The following NUDCD3 variants were observed in gnomAD, a reference collection of about 807,000 sequenced individuals.
The protein encoded by NUDCD3 is nudC domain-containing protein 3.
A neutral mutation model predicts 39.7 loss-of-function variants in NUDCD3; 13 were observed. That is an observed-to-expected ratio of 0.33 (90% CI 0.21 to 0.52). NUDCD3 has a LOEUF of 0.52. Ranked by LOEUF, NUDCD3 falls within the 20% of genes least tolerant of loss-of-function variation. The pLI is 0.96. For synonymous variants in NUDCD3, 175 were observed against 172.4 expected, an observed-to-expected ratio of 1.02 and a Z score of -0.12; for missense variants, 453 against 458.1, an observed-to-expected ratio of 0.99 and a Z score of 0.10.
Position 44,420,206 on chromosome 7 carries a change from C to G in NUDCD3, c.642+7365G>C, listed in dbSNP as rs967271690. On this transcript the variant is annotated intron_variant, in intron 3 of 5. Coordinates refer to ENST00000355451, the MANE Select transcript of NUDCD3 (RefSeq NM_015332.4). ...GGATGAGAACTTCGTGAAGCATACA[C>G]AAGTATCAACAGCCAAATCAATCAA... Among the ~76,000 whole-genome samples the G allele has an allele frequency of 5.9e-5, 9 of 151,934 alleles. No homozygotes were observed. The East Asian group carries it at 1.7e-3, about 29-fold the overall frequency.
rs1585111257 is a variant in NUDCD3 at position 44,484,610 on chromosome 7, A to G, written c.509+358T>C. On this transcript the variant is annotated intron_variant, in intron 2 of 5. Coordinates refer to ENST00000355451, the MANE Select transcript of NUDCD3 (RefSeq NM_015332.4). ...ATTATACCTCAGGCATCATGAGCAAATCCTAGCAGTGCTCCTGCAGAGAGA... is the reference window on the plus strand; with the variant it reads ...ATTATACCTCAGGCATCATGAGCAAGTCCTAGCAGTGCTCCTGCAGAGAGA... 2.6e-5 allele frequency: 5 copies of G among 191,492 alleles called. No homozygotes were observed. The East Asian group carries it at 6.5e-4, about 25-fold the overall frequency. The allele number at this position is 191,492 out of a possible 1,614,324, so 11.9% of individuals were successfully genotyped here.
chr7:44,446,100 T>C (rs1799685633), intron 2 of NUDCD3, among the ~76,000 whole-genome samples: 1 of 152,202 alleles, frequency 6.6e-6, no homozygotes, highest in Non-Finnish European at 1.5e-5. Flanking sequence ...TTATCCCCAA[T>C]TGACACATGA....
rs143098616 is a variant in NUDCD3, at chr7:44,406,536, C to A, written c.643-1953G>T. Among the ~76,000 whole-genome samples, 868 of 152,330 alleles carry A rather than the reference C, an allele frequency of 5.7e-3. 5 individuals carry two copies. The highest frequency in any genetic ancestry group is 0.02 in the African/African-American group (826 of 41,590). On this transcript the variant is annotated intron_variant, in intron 3 of 5. Coordinates refer to ENST00000355451, the MANE Select transcript of NUDCD3 (RefSeq NM_015332.4). ...GCCTGCCTTCACAAGAACAAGCTCA[C>A]TTAACAAATATAATTCTCCCACCCA...
intron 2 of NUDCD3, among the ~76,000 whole-genome samples, chr7:44,482,429 A>G (rs1007421794): frequency 1.3e-5 from 2 of 152,228 alleles, no homozygotes; most frequent in Non-Finnish European, 2.9e-5. Flanking sequence ...ACAAAGCTGA[A>G]AAACAAGGCC....
In NUDCD3 at chr7:44,431,545, C is replaced by G. The variant is rs75765765; in HGVS notation, c.510-3842G>C. ...CCACCAGGAGTCACTGTCATGCAGA[C>G]AAGCAGTTCCTGAGTAGGTGAGGTT... On this transcript the variant is annotated intron_variant, in intron 2 of 5. Coordinates refer to ENST00000355451, the MANE Select transcript of NUDCD3 (RefSeq NM_015332.4). 9.6e-3 allele frequency among the ~76,000 whole-genome samples: 1,467 copies of G among 152,060 alleles called. 52 individuals carry two copies. The highest frequency in any genetic ancestry group is 0.081 in the East Asian group (417 of 5,166).
At chr7:44,392,232 C>T in intron 5 of NUDCD3, 65 bp downstream of exon 5, 1 of 1,498,174 alleles carries the variant, frequency 6.7e-7, no homozygotes, top group Non-Finnish European at 9.2e-7. Flanking sequence ...CCCTCTGCCA[C>T]TATCGGCCTT....
rs369984670 is a variant in NUDCD3, at chr7:44,490,507, C to A, written c.94G>T (p.Gly32Cys). 1.9e-6 allele frequency: 3 copies of A among 1,611,332 alleles called. No individual in the cohort carries two copies. The highest frequency in any genetic ancestry group is 2.5e-6 in the Non-Finnish European group (3 of 1,178,950). ...NVQDFLRVLF[G>C]FLYRKTDFYR... The stretch of plus-strand genomic sequence containing the variant: ...AAGTCTGTCTTGCGGTAGAGGAAGC[C>A]AAAGAGAACGCGCAGGAAATCCTGG... Residue 32 changes from glycine (G) to cysteine (C), a missense_variant, in exon 1 of 6, where the codon GGC (glycine) becomes TGC (cysteine). By Grantham distance (159) the Gly-to-Cys change is radical (BLOSUM62 -3). Coordinates refer to ENST00000355451, the MANE Select transcript of NUDCD3 (RefSeq NM_015332.4).
At chr7:44,441,657 G>A (rs974245403) in intron 2 of NUDCD3, among the ~76,000 whole-genome samples, 1 of 152,134 alleles carries the variant, frequency 6.6e-6, no homozygotes. Context: ...TCCATAGCTA[G>A]CCCACACATC....
intron 2 of NUDCD3, among the ~76,000 whole-genome samples, chr7:44,465,799 C>T (rs973252848): frequency 1.4e-4 from 22 of 152,088 alleles, no homozygotes; most frequent in African/African-American, 5.3e-4. Context: ...CACCGTACTT[C>T]TCAAATTGTT....
chr7:44,405,618 G>C (rs1585057671), intron 3 of NUDCD3, among the ~76,000 whole-genome samples: 1 of 152,268 alleles, frequency 6.6e-6, no homozygotes, highest in East Asian at 1.9e-4. Flanking sequence ...TTTGGTAGAT[G>C]GCTCATTAAA....
At chr7:44,407,810 A>C (rs1292483112) in intron 3 of NUDCD3, among the ~76,000 whole-genome samples, 3 of 152,198 alleles carry the variant, frequency 2.0e-5, no homozygotes, top group Non-Finnish European at 4.4e-5. Flanking sequence ...ACAGTAGCTA[A>C]AATTAAACTT....
intron 2 of NUDCD3, among the ~76,000 whole-genome samples, chr7:44,463,835 C>A (rs942040270): frequency 4.6e-5 from 7 of 151,846 alleles, no homozygotes; most frequent in African/African-American, 1.7e-4. Flanking sequence ...AAAAAATCAA[C>A]GGACATTTTC....
Position 44,431,577 on chromosome 7 carries a change from CG to C in NUDCD3, c.510-3875del, listed in dbSNP as rs1357069120. Among the ~76,000 whole-genome samples, 3 of 151,832 alleles carry C rather than the reference CG, an allele frequency of 2.0e-5. No individual in the cohort carries two copies. The East Asian group carries it at 5.8e-4, about 29-fold the overall frequency. On this transcript the variant is annotated intron_variant, in intron 2 of 5. Coordinates refer to ENST00000355451, the MANE Select transcript of NUDCD3 (RefSeq NM_015332.4). Reference sequence around the variant, plus strand: ...TTCCTGAGTAGGTGAGGTTTCTGACCGGGTTCCTGAGACTCATGGTCAGGAA... The same window carrying C: ...TTCCTGAGTAGGTGAGGTTTCTGACCGGTTCCTGAGACTCATGGTCAGGAA...
intron 2 of NUDCD3, among the ~76,000 whole-genome samples, chr7:44,456,025 C>CAAAA (rs1233592095): frequency 6.7e-4 from 19 of 28,494 alleles, no homozygotes; most frequent in African/African-American, 1.2e-3. Flanking sequence ...GACTCCGTCT[C>CAAAA]AAAAAAAAAA....
intron 2 of NUDCD3, among the ~76,000 whole-genome samples, chr7:44,443,443 C>T (rs926903279): frequency 2.0e-5 from 3 of 151,816 alleles, no homozygotes; most frequent in Admixed American, 2.0e-4. Context: ...TGGGGTCTCG[C>T]TCTGTCGCCC....
chr7:44,456,800 A>G (rs1585091682), intron 2 of NUDCD3, among the ~76,000 whole-genome samples: 1 of 152,180 alleles, frequency 6.6e-6, no homozygotes, highest in East Asian at 1.9e-4. Context: ...GTCAAACTGT[A>G]AGCTAGAAGA....
intron 2 of NUDCD3, among the ~76,000 whole-genome samples, chr7:44,441,620 C>G (rs1799586598): frequency 6.6e-6 from 1 of 152,224 alleles, no homozygotes; most frequent in African/African-American, 2.4e-5. Flanking sequence ...ACTACCCACA[C>G]TTGGATCCCA....
At chr7:44,439,830 A>G (rs1799541264) in intron 2 of NUDCD3, among the ~76,000 whole-genome samples, 1 of 152,210 alleles carries the variant, frequency 6.6e-6, no homozygotes, top group African/African-American at 2.4e-5. Flanking sequence ...AAAATGTAGA[A>G]GGAATGAGGG....
At chr7:44,426,171 G>C (rs1024865076) in intron 3 of NUDCD3, 3 of 985,442 alleles carry the variant, frequency 3.0e-6, no homozygotes, top group Middle Eastern at 5.2e-4. Context: ...AGTTTAAAGG[G>C]GGGTGACCGG....
Sources: gnomAD v4.1 joint callset for allele counts (sites outside exome capture counted in the v4.1 genomes callset) on GRCh38, gnomAD v4.1.1 for gene constraint, MANE v1.5 for transcripts, NCBI Gene and HGNC (gene_info 2026-07-23, HGNC 2026-07-21) for gene names.